Variants in RNF130 observed in about 807,000 individuals in gnomAD.
RNF130 encodes the protein E3 ubiquitin-protein ligase RNF130.
A neutral mutation model predicts 44.6 loss-of-function variants in RNF130; 21 were observed. That is an observed-to-expected ratio of 0.47 (90% confidence interval 0.33 to 0.68). The LOEUF (loss-of-function observed/expected upper bound fraction) is 0.68. Among genes scored for constraint, RNF130 ranks in the 30% least tolerant of loss-of-function variants. The probability of loss-of-function intolerance (pLI) is 0.02; values close to 1 mark genes in which losing one functional copy is unlikely to be tolerated. For missense variants in RNF130, 479 were observed against 560.6 expected (o/e 0.85, Z 1.47); for synonymous variants, 214 against 210.4 (o/e 1.02, Z -0.15).
chr5:180,068,211 C>G (rs1765152158), intron 1 of RNF130, among the ~76,000 whole-genome samples: 2 of 152,240 alleles, frequency 1.3e-5, no homozygotes, highest in Admixed American at 1.3e-4. Flanking sequence ...TGTGCACACA[C>G]ATAAAGCACA....
intron 7 of RNF130, among the ~76,000 whole-genome samples, chr5:179,932,037 T>C (rs915004178): frequency 2.0e-5 from 3 of 152,204 alleles, no homozygotes; most frequent in African/African-American, 7.2e-5. Context: ...TAAAATGTAA[T>C]TTCCATCTCT....
intron 8 of RNF130, among the ~76,000 whole-genome samples, chr5:179,961,526 C>T (rs1457109862): frequency 1.3e-5 from 2 of 152,180 alleles, no homozygotes; most frequent in African/African-American, 4.8e-5. Flanking sequence ...TCATTTTAAT[C>T]TGATGCATGA....
intron 2 of RNF130, among the ~76,000 whole-genome samples, chr5:180,024,951 G>C (rs969186217): frequency 6.6e-6 from 1 of 152,210 alleles, no homozygotes; most frequent in Non-Finnish European, 1.5e-5. Context: ...CGCAGGCGCA[G>C]AGGTGTGCCA....
chr5:179,974,297 A>C (rs186363395), intron 5 of RNF130, among the ~76,000 whole-genome samples: 374 of 152,226 alleles, frequency 2.5e-3, no homozygotes, highest in Non-Finnish European at 4.2e-3. Context: ...CGGCAACTCC[A>C]CTTCTGAAAA....
intron 3 of RNF130, among the ~76,000 whole-genome samples, chr5:180,005,990 G>A (rs186419401): frequency 6.6e-6 from 1 of 152,098 alleles, no homozygotes; most frequent in Admixed American, 6.5e-5. Context: ...ATATTTAGAA[G>A]GTATATAATA....
At chr5:180,003,927 C>T (rs184364526) in intron 3 of RNF130, among the ~76,000 whole-genome samples, 1 of 152,278 alleles carries the variant, frequency 6.6e-6, no homozygotes, top group Admixed American at 6.5e-5. Context: ...AAGGTTTATT[C>T]GGTACATACC....
chr5:180,009,463 A>G (rs114934688), intron 3 of RNF130, among the ~76,000 whole-genome samples: 1,847 of 152,326 alleles, frequency 0.012, 20 homozygotes, highest in Non-Finnish European at 0.02. Flanking sequence ...ACTGAAGAGG[A>G]TATACGGATG....
At chr5:179,988,663 C>T (rs760562861) in intron 3 of RNF130, among the ~76,000 whole-genome samples, 2 of 152,162 alleles carry the variant, frequency 1.3e-5, no homozygotes, top group Non-Finnish European at 2.9e-5. Flanking sequence ...AACCTTATGG[C>T]AGTGATCATG....
intron 7 of RNF130, chr5:179,940,073 C>A (rs1384808571): frequency 9.6e-6 from 2 of 208,542 alleles, no homozygotes; most frequent in Non-Finnish European, 9.5e-6. Flanking sequence ...CGGTGTCATT[C>A]TCCAACATGC....
Position 179,948,694 on chromosome 5 carries a change from A to G in RNF130, c.1150+18112T>C, listed in dbSNP as rs995787418. On this transcript the variant is annotated intron_variant, in intron 7 of 7. Transcript: ENST00000522208. The stretch of plus-strand genomic sequence containing the variant: ...TGTCTCAAAAAAAGAGAGAGAGAGA[A>G]AAAAAGAGTCTTGATAAGGAACTTG... Among the ~76,000 whole-genome samples, 10 of 152,132 alleles carry G rather than the reference A, an allele frequency of 6.6e-5. No homozygotes were observed. The South Asian group carries it at 8.3e-4, about 13-fold the overall frequency.
In RNF130 at chr5:179,931,629, C is replaced by T. The variant is rs367750315; in HGVS notation, c.1151-11203G>A. Among the ~76,000 whole-genome samples, 14 of 152,110 alleles carry T rather than the reference C, an allele frequency of 9.2e-5. No individual in the cohort carries two copies. The East Asian group carries it at 2.5e-3, about 27-fold the overall frequency. ...ACTAAAATAGAAAAAATTAGCCGGG[C>T]GTGGTGGTGCCTGCCTGTAATCCCA... On this transcript the variant is annotated intron_variant, in intron 7 of 7. Transcript: ENST00000522208.
At chr5:180,011,134 C>T (rs541223471) in intron 3 of RNF130, among the ~76,000 whole-genome samples, 7 of 152,276 alleles carry the variant, frequency 4.6e-5, no homozygotes, top group African/African-American at 7.2e-5. Flanking sequence ...GAACACAACA[C>T]GTCGGATAAA....
chr5:179,995,391 G>A (rs1763178494), intron 3 of RNF130, among the ~76,000 whole-genome samples: 1 of 152,126 alleles, frequency 6.6e-6, no homozygotes, highest in African/African-American at 2.4e-5. Flanking sequence ...AAAGCTGGAG[G>A]CCCAAGCTGT....
At chr5:180,036,419 A>C (rs1383268605) in intron 2 of RNF130, among the ~76,000 whole-genome samples, 7 of 152,132 alleles carry the variant, frequency 4.6e-5, no homozygotes, top group African/African-American at 1.7e-4. Flanking sequence ...GGTGTCATTC[A>C]CCACTGCAAA....
chr5:180,034,456 T>C (rs1407247015), intron 2 of RNF130, among the ~76,000 whole-genome samples: 1 of 152,222 alleles, frequency 6.6e-6, no homozygotes, highest in Non-Finnish European at 1.5e-5. Context: ...TTTCTTTAAA[T>C]ATTTGATAGA....
rs532441069 is a variant in RNF130, at chr5:179,913,713, C to T, written c.*6604G>A. 3 of 152,338 alleles carry T rather than the reference C, an allele frequency of 2.0e-5. No homozygotes were observed. The East Asian group carries it at 5.8e-4, about 29-fold the overall frequency. The allele number at this position is 152,338 out of a possible 1,614,324, so 9.4% of individuals were successfully genotyped here. A position where few individuals can be genotyped will look rare whatever the true frequency, so the allele number is the denominator to read the frequency against. On this transcript the variant is annotated 3_prime_UTR_variant, in exon 8 of 8. Coordinates refer to the RNF130 transcript ENST00000522208. The stretch of plus-strand genomic sequence containing the variant: ...GGATACCCACAAAAAAGAGGGTGAA[C>T]CTTTAACAATGCCCCAGAGGAGCTT...
chr5:180,065,343 T>C (rs1561714438), intron 1 of RNF130, among the ~76,000 whole-genome samples: 1 of 152,222 alleles, frequency 6.6e-6, no homozygotes, highest in Non-Finnish European at 1.5e-5. Context: ...TCACCCACTG[T>C]AAATAAATTT....
chr5:179,936,507 G>A (rs900122885), intron 7 of RNF130, among the ~76,000 whole-genome samples: 7 of 152,248 alleles, frequency 4.6e-5, no homozygotes, highest in Admixed American at 3.3e-4. Context: ...GGGATTACAG[G>A]TGTGAGCCAC....
chr5:179,961,788 T>C (rs1257424384), intron 8 of RNF130, among the ~76,000 whole-genome samples: 2 of 152,312 alleles, frequency 1.3e-5, no homozygotes, highest in East Asian at 1.9e-4. Flanking sequence ...AGAGCTACTA[T>C]GGTACTGTGT....
Sources: allele counts gnomAD v4.1 joint callset (sites outside exome capture counted in the v4.1 genomes callset), GRCh38; gene constraint gnomAD v4.1.1; transcripts MANE v1.5; gene names NCBI Gene and HGNC (gene_info 2026-07-23, HGNC 2026-07-21).